CD163L1: variants seen among roughly 807,000 people sequenced by gnomAD.
CD163L1 encodes the protein CD163 molecule like 1, also known as scavenger receptor cysteine-rich type 1 protein M160.
Under a neutral mutation model 165.4 loss-of-function variants are expected in CD163L1, and 124 were observed. That is an observed-to-expected ratio of 0.75 (90% CI 0.65 to 0.87). CD163L1 has a LOEUF of 0.87. Among genes scored for constraint, CD163L1 ranks in the 40% least tolerant of loss-of-function variants. The probability of loss-of-function intolerance (pLI) is 0.00; values close to 1 mark genes in which losing one functional copy is unlikely to be tolerated. For synonymous variants in CD163L1, 585 were observed against 662.2 expected (o/e 0.88, Z 1.79); for missense variants, 1,525 against 1,799.9 (o/e 0.85, Z 2.76).
intron 8 of CD163L1, among the ~76,000 whole-genome samples, chr12:7,380,295 G>GTATGTATACACGTATACATACATGTA (rs1565783993): frequency 2.2e-4 from 17 of 77,986 alleles, no homozygotes; most frequent in African/African-American, 7.0e-4. Flanking sequence ...GTGTGTGTGT[G>GTATGTATACACGTATACATACATGTA]TGTGTGTATA....
At chr12:7,439,781 C>A (rs1432275418) in intron 2 of CD163L1, 3 of 1,613,656 alleles carry the variant, frequency 1.9e-6, no homozygotes, top group Non-Finnish European at 2.5e-6. Flanking sequence ...TCACCCCCCT[C>A]GATCTTTATG....
intron 4 of CD163L1, among the ~76,000 whole-genome samples, chr12:7,431,768 T>C (rs1281174755): frequency 1.3e-5 from 2 of 152,084 alleles, no homozygotes; most frequent in Non-Finnish European, 2.9e-5. Context: ...AAAAAAGTGA[T>C]CCCTTATTTC....
intron 4 of CD163L1, among the ~76,000 whole-genome samples, chr12:7,421,597 ATATG>A (rs1948426786): frequency 1.7e-4 from 2 of 11,468 alleles, no homozygotes; most frequent in Admixed American, 2.2e-3. Context: ...ACATATACAT[ATATG>A]TACACATATA....
chr12:7,413,974 C>A (rs1038278065), intron 4 of CD163L1, among the ~76,000 whole-genome samples: 5 of 152,044 alleles, frequency 3.3e-5, no homozygotes, highest in Non-Finnish European at 7.4e-5. Flanking sequence ...GGTGAAGGTT[C>A]ATTTTTTCCA....
chr12:7,367,852 A>T (rs1289182936), intron 17 of CD163L1, among the ~76,000 whole-genome samples: 12 of 152,174 alleles, frequency 7.9e-5, no homozygotes. Context: ...TGCCTATCTG[A>T]CTCATCGTCT....
downstream of CD163L1, among the ~76,000 whole-genome samples, chr12:7,342,316 C>A (rs930957254): frequency 1.3e-5 from 2 of 152,250 alleles, no homozygotes; most frequent in Non-Finnish European, 2.9e-5. Flanking sequence ...GCATGAACAT[C>A]TGTGCCTTAA....
downstream of CD163L1, among the ~76,000 whole-genome samples, chr12:7,343,542 CAT>C (rs1172973016): frequency 6.6e-6 from 1 of 152,052 alleles, no homozygotes; most frequent in African/African-American, 2.4e-5. Context: ...GGAGAGCCAG[CAT>C]ATCATACAGA....
At chr12:7,435,684 C>T (rs1948704668) in intron 2 of CD163L1, among the ~76,000 whole-genome samples, 2 of 151,956 alleles carry the variant, frequency 1.3e-5, no homozygotes, top group African/African-American at 4.8e-5. Flanking sequence ...CATCCCAGAA[C>T]CTGCTAATTC....
chr12:7,403,701 G>GAACGGACATCCTAGCTGC lies in CD163L1; in HGVS notation c.1224_1241dup (p.Pro413_Phe414insLeuGlnLeuGlyCysPro). 1 of 1,614,080 alleles carries GAACGGACATCCTAGCTGC rather than the reference G, an allele frequency of 6.2e-7. No homozygotes were observed. Among genetic ancestry groups the GAACGGACATCCTAGCTGC allele is most frequent in the South Asian group, 1.1e-5 (1 of 91,080 alleles). On this transcript the variant is annotated inframe_insertion, in exon 6 of 20. Coordinates refer to ENST00000313599, the MANE Select transcript of CD163L1 (RefSeq NM_174941.6). ...TAGCACGACGACTGCCAAAGACGCT[G>GAACGGACATCCTAGCTGC]AACGGACATCCTAGCTGCTTACAAA...
At chr12:7,329,251 G>A in the CD163L1 span, among the ~76,000 whole-genome samples, 1 of 147,702 alleles carries the variant, frequency 6.8e-6, no homozygotes, top group East Asian at 2.0e-4. Context: ...AATCTTTAGG[G>A]AACAAATTTA....
chr12:7,432,757 C>T lies in CD163L1; in HGVS notation c.446-21G>A. 4 of 1,559,734 alleles carry T rather than the reference C, an allele frequency of 2.6e-6. No homozygotes were observed. In the South Asian group the frequency reaches 3.7e-5, roughly 14 times the overall value. On this transcript the variant is annotated intron_variant, in intron 3 of 19. Coordinates refer to ENST00000313599, the MANE Select transcript of CD163L1 (RefSeq NM_174941.6). This position sits in a 1 kb window ranked among gnomAD's most constrained non-coding sequence, Gnocchi z 4.2. ...TTCACCTACGAGAAAGACAAGCAGA[C>T]ATATGAAAAACTGATTCAACTTTGA...
At chr12:7,342,484 C>T (rs759229551), downstream of CD163L1, among the ~76,000 whole-genome samples, 10 of 152,290 alleles carry the variant, frequency 6.6e-5, no homozygotes, top group South Asian at 1.2e-3. Flanking sequence ...AATCTCTGTT[C>T]GAGGCTCTCA....
the CD163L1 span, among the ~76,000 whole-genome samples, chr12:7,327,901 T>C: frequency 1.3e-5 from 2 of 152,044 alleles, no homozygotes; most frequent in African/African-American, 2.4e-5. Context: ...AAATTATCCC[T>C]AAAAATCTTC....
At chr12:7,339,750 A>G in the CD163L1 span, among the ~76,000 whole-genome samples, 37 of 152,146 alleles carry the variant, frequency 2.4e-4, no homozygotes, top group Admixed American at 1.6e-3. Flanking sequence ...TTCTTTTGCC[A>G]TTTATACTTG....
At chr12:7,320,187 CTTAT>C in the CD163L1 span, among the ~76,000 whole-genome samples, 1 of 152,056 alleles carries the variant, frequency 6.6e-6, no homozygotes, top group Non-Finnish European at 1.5e-5. Context: ...TAGGCCATAT[CTTAT>C]TTAAGAAACC....
chr12:7,345,921 A>G (rs1024893721), downstream of CD163L1, among the ~76,000 whole-genome samples: 8 of 152,300 alleles, frequency 5.3e-5, no homozygotes, highest in Admixed American at 1.3e-4. Context: ...ACACTTTTAA[A>G]GAACCATATA....
At chr12:7,359,656 T>G (rs1198163699) in intron 18 of CD163L1, among the ~76,000 whole-genome samples, 1 of 152,098 alleles carries the variant, frequency 6.6e-6, no homozygotes, top group Non-Finnish European at 1.5e-5. Context: ...GAAGCTCTGA[T>G]CTACGAAAAG....
intron 14 of CD163L1, among the ~76,000 whole-genome samples, chr12:7,370,346 C>A (rs953247782): frequency 6.6e-6 from 1 of 152,150 alleles, no homozygotes; most frequent in Non-Finnish European, 1.5e-5. Flanking sequence ...GCAGGATCCT[C>A]AATATTTTAG....
rs1238729772 is a variant in CD163L1 at position 7,421,175 on chromosome 12, GTA to G, written c.766+11239_766+11240del. ...TATAAATGTATATATATGTATATATGTATATATATGTGTATATATGTATATAT... is the reference window on the plus strand; with the variant it reads ...TATAAATGTATATATATGTATATATGTATATATGTGTATATATGTATATAT... On this transcript the variant is annotated intron_variant, in intron 4 of 19. Coordinates refer to ENST00000313599, the MANE Select transcript of CD163L1 (RefSeq NM_174941.6). Among the ~76,000 whole-genome samples the G allele has an allele frequency of 1.6e-3, 215 of 130,386 alleles. 3 individuals carry two copies. Among genetic ancestry groups the G allele is most frequent in the African/African-American group, 5.7e-3 (201 of 35,244 alleles). 85.5% of individuals were successfully genotyped at this position (130,386 alleles called of 152,430 possible).
Sources: allele counts gnomAD v4.1 joint callset (sites outside exome capture counted in the v4.1 genomes callset), GRCh38; gene constraint gnomAD v4.1.1; non-coding constraint Gnocchi (gnomAD v3.1); transcripts MANE v1.5; gene names NCBI Gene and HGNC (gene_info 2026-07-23, HGNC 2026-07-21).